Variants in WLS observed in about 807,000 individuals in gnomAD.
The protein encoded by WLS is Wnt ligand secretion mediator, also known as protein wntless homolog.
WLS carries 23 observed loss-of-function variants against 62.8 expected under a neutral mutation model. That is an observed-to-expected ratio of 0.37 (90% CI 0.26 to 0.52). The LOEUF is 0.52. WLS is among the 20% of genes least tolerant of loss of function. WLS has a pLI of 0.92. For missense variants in WLS, 615 were observed against 697.3 expected, an observed-to-expected ratio of 0.88 and a Z score of 1.33; for synonymous variants, 246 against 244.1, an observed-to-expected ratio of 1.01 and a Z score of -0.07.
intron 1 of WLS, among the ~76,000 whole-genome samples, chr1:68,223,263 T>G (rs1650013020): frequency 6.6e-6 from 1 of 152,216 alleles, no homozygotes; most frequent in Non-Finnish European, 1.5e-5. Context: ...TTCTTATTTG[T>G]TAGTTTTCTG....
intron 2 of WLS, among the ~76,000 whole-genome samples, chr1:68,174,463 C>T (rs765304904): frequency 2.0e-5 from 3 of 152,048 alleles, no homozygotes; most frequent in African/African-American, 4.8e-5. Context: ...TACTGCCACC[C>T]GGGGTTCCAG....
chr1:68,227,166 G>C (rs776566968), intron 1 of WLS, among the ~76,000 whole-genome samples: 23 of 152,214 alleles, frequency 1.5e-4, no homozygotes, highest in Non-Finnish European at 3.2e-4. Flanking sequence ...GGCCGAGGCA[G>C]GTGGATCTCC....
chr1:68,103,095 C>A (rs951705677), intron 11 of WLS, among the ~76,000 whole-genome samples: 1 of 152,170 alleles, frequency 6.6e-6, no homozygotes, highest in Non-Finnish European at 1.5e-5. Flanking sequence ...CCCTGCCTAG[C>A]GCTCTTTCTG....
intron 3 of WLS, 62 bp from the exon 4 acceptor site, chr1:68,155,322 C>A: frequency 1.3e-6 from 2 of 1,543,324 alleles, no homozygotes; most frequent in South Asian, 2.5e-5. Flanking sequence ...GCTCTGAATT[C>A]TGTTACCCTG....
At chr1:68,177,668 AT>A (rs1305865214) in intron 2 of WLS, among the ~76,000 whole-genome samples, 1 of 152,042 alleles carries the variant, frequency 6.6e-6, no homozygotes, top group South Asian at 2.1e-4. Flanking sequence ...TAATTTTTGT[AT>A]TTTTTGTAGA....
chr1:68,146,055 A>T, intron 8 of WLS, 43 bp from the exon 9 acceptor site: 1 of 1,605,882 alleles, frequency 6.2e-7, no homozygotes. Flanking sequence ...AGCCAAGGCC[A>T]AGTTGAGCCG....
Position 68,137,682 on chromosome 1 carries a change from G to A in WLS, c.1516+98C>T, listed in dbSNP as rs983033. Reference sequence around the variant, plus strand: ...TGTGAGGAGTATACTTGGAGGGAAAGTTTCACTGGGCATCTCAGAGCTTTA... The same window carrying A: ...TGTGAGGAGTATACTTGGAGGGAAAATTTCACTGGGCATCTCAGAGCTTTA... On this transcript the variant is annotated intron_variant, in intron 11 of 11. Coordinates refer to ENST00000262348, the MANE Select transcript of WLS (RefSeq NM_024911.7). The A allele has an allele frequency of 4.2e-4, 586 of 1,387,228 alleles. 1 individual carries two copies. In the African/African-American group the frequency reaches 7.1e-3, roughly 17 times the overall value. 85.9% of individuals were successfully genotyped at this position (1,387,228 alleles called of 1,614,324 possible). A position where few individuals can be genotyped will look rare whatever the true frequency, so the allele number is the denominator to read the frequency against.
chr1:68,223,273 G>A (rs1650013443), intron 1 of WLS, among the ~76,000 whole-genome samples: 1 of 152,158 alleles, frequency 6.6e-6, no homozygotes, highest in Admixed American at 6.5e-5. Flanking sequence ...TTAGTTTTCT[G>A]CAATAACATT....
intron 1 of WLS, among the ~76,000 whole-genome samples, chr1:68,230,467 C>A (rs563197645): frequency 6.6e-6 from 1 of 152,120 alleles, no homozygotes; most frequent in East Asian, 1.9e-4. Flanking sequence ...GGAAGGCTGC[C>A]TTCAGCTCCC....
chr1:68,190,890 TC>T (rs1280516916), intron 2 of WLS, among the ~76,000 whole-genome samples: 1 of 152,074 alleles, frequency 6.6e-6, no homozygotes, highest in African/African-American at 2.4e-5. Flanking sequence ...AAACCCCGTC[TC>T]TACTAAAAAT....
rs1036186063 is a variant in WLS, at chr1:68,195,392, T to G, written c.107-1165A>C. Among the ~76,000 whole-genome samples the G allele has an allele frequency of 2.0e-5, 3 of 152,356 alleles. No homozygotes were observed. The South Asian group carries it at 6.2e-4, about 32-fold the overall frequency. ...TAATAATAGTACTGATCTTTCCAAG[T>G]CACTGCATATTTTAAACAAGTTAAC... On this transcript the variant is annotated intron_variant, in intron 1 of 11. Transcript: ENST00000262348.
intron 1 of WLS, 75 bp from the exon 2 acceptor site, chr1:68,194,302 C>G (rs1211362898): frequency 2.0e-6 from 3 of 1,520,140 alleles, no homozygotes; most frequent in Non-Finnish European, 2.6e-6. Flanking sequence ...ATTCTTTCCA[C>G]TGCTGTGTTC....
intron 2 of WLS, among the ~76,000 whole-genome samples, chr1:68,167,294 A>G (rs536709602): frequency 6.6e-6 from 1 of 152,350 alleles, no homozygotes; most frequent in Admixed American, 6.5e-5. Context: ...AACCTAGATC[A>G]CAAAACCCAG....
At chr1:68,106,364 C>G (rs1646142684) in intron 11 of WLS, among the ~76,000 whole-genome samples, 2 of 152,036 alleles carry the variant, frequency 1.3e-5, no homozygotes, top group African/African-American at 4.8e-5. Context: ...CCTCAGTGGG[C>G]CTGGGTGATG....
At chr1:68,163,313 C>G (rs896856010) in intron 2 of WLS, among the ~76,000 whole-genome samples, 1 of 152,194 alleles carries the variant, frequency 6.6e-6, no homozygotes, top group Non-Finnish European at 1.5e-5. Context: ...GGTGATGAAA[C>G]CCTCGTCCCG....
At chr1:68,203,991 A>G (rs923010494) in intron 1 of WLS, among the ~76,000 whole-genome samples, 3 of 152,200 alleles carry the variant, frequency 2.0e-5, no homozygotes, top group Admixed American at 6.5e-5. Context: ...TTAAGGTCCA[A>G]CAAAGAGCTG....
intron 10 of WLS, among the ~76,000 whole-genome samples, chr1:68,139,398 T>G: frequency 6.6e-6 from 1 of 152,218 alleles, no homozygotes; most frequent in East Asian, 1.9e-4. Flanking sequence ...ATGATGATTT[T>G]TATTGCATAT....
At chr1:68,229,982 G>A (rs868692406) in intron 1 of WLS, among the ~76,000 whole-genome samples, 32 of 152,132 alleles carry the variant, frequency 2.1e-4, no homozygotes, top group African/African-American at 7.7e-4. Context: ...AAATTCTTCG[G>A]GAAAAACAAT....
chr1:68,103,231 G>A (rs1415069459), intron 11 of WLS, among the ~76,000 whole-genome samples: 1 of 152,188 alleles, frequency 6.6e-6, no homozygotes, highest in African/African-American at 2.4e-5. Context: ...GGAAACCAGT[G>A]GGGATATGTT....
Sources: allele counts gnomAD v4.1 joint callset (sites outside exome capture counted in the v4.1 genomes callset), GRCh38; gene constraint gnomAD v4.1.1; transcripts MANE v1.5; gene names NCBI Gene and HGNC (gene_info 2026-07-23, HGNC 2026-07-21).